The following PCDHA2 variants were observed in gnomAD, a reference collection of about 807,000 sequenced individuals.
The protein encoded by PCDHA2 is protocadherin alpha-2.
PCDHA2 carries 58 observed loss-of-function variants against 66.0 expected under a neutral mutation model. The ratio of observed to expected loss-of-function variants is 0.88; its 90% CI spans 0.71 to 1.09. PCDHA2 has a LOEUF of 1.09. PCDHA2 is among the 50% of genes least tolerant of loss of function. PCDHA2 has a pLI of 0.00. For missense variants in PCDHA2, 1,267 were observed against 1,242.3 expected (o/e 1.02, Z -0.30); for synonymous variants, 634 against 554.0 (o/e 1.14, Z -2.03).
chr5:140,900,683 T>C (rs144072569), intron 1 of PCDHA2, among the ~76,000 whole-genome samples: 52 of 152,340 alleles, frequency 3.4e-4, no homozygotes, highest in African/African-American at 9.9e-4. Context: ...ATCTCTTCAA[T>C]ATACTGATTT....
chr5:140,971,284 A>G lies in PCDHA2; in HGVS notation c.2389-7665A>G, dbSNP rs573117700. 1.7e-3 allele frequency among the ~76,000 whole-genome samples: 257 copies of G among 152,334 alleles called. 1 individual carries two copies. The highest frequency in any genetic ancestry group is 3.4e-3 in the Non-Finnish European group (234 of 68,028). ...CTGTCTTACACTGACCTGTATATTAATATGTACTTTGGTACACAAACATTT... is the reference window on the plus strand; with the variant it reads ...CTGTCTTACACTGACCTGTATATTAGTATGTACTTTGGTACACAAACATTT... On this transcript the variant is annotated intron_variant, in intron 1 of 3. Transcript: ENST00000526136.
chr5:140,804,613 C>T (rs1387734654), intron 1 of PCDHA2: 3 of 152,808 alleles, frequency 2.0e-5, no homozygotes, highest in African/African-American at 7.2e-5. Flanking sequence ...AATGTTATTA[C>T]TGGTTAACTT....
At chr5:140,799,288 T>G (rs1185707502) in intron 1 of PCDHA2, among the ~76,000 whole-genome samples, 2 of 152,094 alleles carry the variant, frequency 1.3e-5, no homozygotes, top group Middle Eastern at 3.2e-3. Flanking sequence ...CATGTGACAT[T>G]CCATTTTGCA....
chr5:140,900,080 A>G (rs62384484), intron 1 of PCDHA2, among the ~76,000 whole-genome samples: 49,691 of 152,040 alleles, frequency 0.33, 8,391 homozygotes, highest in East Asian at 0.53. Flanking sequence ...AAAGTGCTGC[A>G]GTTACAAGCA....
intron 1 of PCDHA2, chr5:140,883,738 C>T (rs149972776): frequency 2.5e-5 from 41 of 1,613,276 alleles, no homozygotes; most frequent in Non-Finnish European, 3.3e-5. Flanking sequence ...ACGCGCTGGT[C>T]TCCTACTCGC....
chr5:140,900,143 G>C (rs1198470231), intron 1 of PCDHA2, among the ~76,000 whole-genome samples: 2 of 152,156 alleles, frequency 1.3e-5, no homozygotes, highest in African/African-American at 2.4e-5. Flanking sequence ...AAATAAGTAA[G>C]AACATACGAT....
At chr5:140,853,965 C>A (rs1349706249) in intron 1 of PCDHA2, 2 of 649,666 alleles carry the variant, frequency 3.1e-6, no homozygotes, top group African/African-American at 2.0e-5. Context: ...TTGAGCCCAG[C>A]AGTTTGAGAC....
intron 1 of PCDHA2, among the ~76,000 whole-genome samples, chr5:140,973,564 A>T (rs2096593487): frequency 6.6e-6 from 1 of 152,168 alleles, no homozygotes; most frequent in Admixed American, 6.5e-5. Context: ...CTCTTTCCTC[A>T]ATTTTTCTAC....
intron 1 of PCDHA2, chr5:140,862,641 A>C (rs529897830): frequency 1.7e-5 from 9 of 540,658 alleles, no homozygotes; most frequent in Admixed American, 9.7e-5. Context: ...ACGACTTCAC[A>C]GTGTCCGCGC....
At chr5:140,844,441 GTTGTA>G (rs1554140652) in intron 1 of PCDHA2, among the ~76,000 whole-genome samples, 1 of 149,004 alleles carries the variant, frequency 6.7e-6, no homozygotes, top group East Asian at 1.9e-4. Flanking sequence ...GATTTTTACA[GTTGTA>G]TTGTCGCCAA....
At chr5:140,884,054 G>A (rs1313975286) in intron 1 of PCDHA2, 1 of 1,613,390 alleles carries the variant, frequency 6.2e-7, no homozygotes, top group Non-Finnish European at 8.5e-7. Flanking sequence ...GAAGGTGCGC[G>A]CGGTGGACGC....
At chr5:140,969,670 T>C (rs1481481821) in intron 1 of PCDHA2, among the ~76,000 whole-genome samples, 1 of 152,192 alleles carries the variant, frequency 6.6e-6, no homozygotes, top group African/African-American at 2.4e-5. Context: ...AGTAATGTTA[T>C]GAGACTCAAG....
chr5:140,842,743 C>T lies in PCDHA2; in HGVS notation c.2388+45391C>T, dbSNP rs140156445. On this transcript the variant is annotated intron_variant, in intron 1 of 3. Transcript: ENST00000526136. ...AGAACAACCCGCCGGGCTGCCACATCTTCACGGTGTCTGCGCGAGACGCGG... is the reference window on the plus strand; with the variant it reads ...AGAACAACCCGCCGGGCTGCCACATTTTCACGGTGTCTGCGCGAGACGCGG... The T allele has an allele frequency of 1.0e-5, 16 of 1,595,026 alleles. No homozygotes were observed. The African/African-American group carries it at 1.9e-4, about 19-fold the overall frequency.
chr5:141,002,853 G>C (rs781830862), intron 3 of PCDHA2, among the ~76,000 whole-genome samples: 1 of 152,184 alleles, frequency 6.6e-6, no homozygotes, highest in Non-Finnish European at 1.5e-5. Context: ...ACTAGTGAGA[G>C]AACCAGGGCA....
intron 1 of PCDHA2, among the ~76,000 whole-genome samples, chr5:140,907,353 A>C (rs1312030991): frequency 3.3e-5 from 5 of 152,234 alleles, no homozygotes; most frequent in Non-Finnish European, 7.3e-5. Flanking sequence ...CCGCTGCTGC[A>C]CTTCTTTAGT....
At chr5:140,862,559 A>C in intron 1 of PCDHA2, 1 of 470,052 alleles carries the variant, frequency 2.1e-6, no homozygotes, top group Non-Finnish European at 4.3e-6. Context: ...CGAACAGTGA[A>C]CCACAATGCC....
At chr5:140,992,587 A>C (rs1393295001) in intron 3 of PCDHA2, among the ~76,000 whole-genome samples, 2 of 152,186 alleles carry the variant, frequency 1.3e-5, no homozygotes, top group African/African-American at 2.4e-5. Context: ...CCTTGTATGC[A>C]TCTAGCGTCT....
In PCDHA2 at chr5:140,876,715, C is replaced by G. The variant is rs570565884; in HGVS notation, c.2388+79363C>G. 3.1e-5 allele frequency: 50 copies of G among 1,614,234 alleles called. No homozygotes were observed. The highest frequency in any genetic ancestry group is 3.3e-4 in the Middle Eastern group (2 of 6,062). On this transcript the variant is annotated intron_variant, in intron 1 of 3. Coordinates refer to ENST00000526136, the MANE Select transcript of PCDHA2 (RefSeq NM_018905.3). ...GTTGGTGCTGGACAGCGCCCTGGAC[C>G]GCGAGAGCGTGTCGGCCTATGAGCT...
chr5:140,886,268 A>C (rs1250080024), intron 1 of PCDHA2, among the ~76,000 whole-genome samples: 2 of 151,920 alleles, frequency 1.3e-5, no homozygotes, highest in Non-Finnish European at 2.9e-5. Flanking sequence ...TTATAGATAA[A>C]ATTTTTTAAA....
Sources: gnomAD v4.1 joint callset for allele counts (sites outside exome capture counted in the v4.1 genomes callset) on GRCh38, gnomAD v4.1.1 for gene constraint, MANE v1.5 for transcripts, NCBI Gene and HGNC (gene_info 2026-07-23, HGNC 2026-07-21) for gene names.